JAZF1: variants seen among roughly 807,000 people sequenced by gnomAD.
JAZF1 encodes juxtaposed with another zinc finger protein 1.
Under a neutral mutation model 26.4 loss-of-function variants are expected in JAZF1, and 8 were observed. The ratio of observed to expected loss-of-function variants is 0.30; its 90% confidence interval spans 0.18 to 0.55. JAZF1 has a LOEUF of 0.55. Among genes scored for constraint, JAZF1 ranks in the 20% least tolerant of loss-of-function variants. The probability of loss-of-function intolerance (pLI) is 0.94; values close to 1 mark genes in which losing one functional copy is unlikely to be tolerated. For missense variants in JAZF1, 199 were observed against 322.0 expected (o/e 0.62, Z 2.92); for synonymous variants, 126 against 122.3 (o/e 1.03, Z -0.20).
intron 2 of JAZF1, among the ~76,000 whole-genome samples, chr7:27,912,822 G>A (rs1256569489): frequency 6.6e-6 from 1 of 152,072 alleles, no homozygotes; most frequent in Non-Finnish European, 1.5e-5. Context: ...TGCACAAACA[G>A]AAGGCCAGAG....
chr7:27,835,235 C>CT (rs1199776639), intron 4 of JAZF1, among the ~76,000 whole-genome samples: 3 of 152,130 alleles, frequency 2.0e-5, no homozygotes, highest in Non-Finnish European at 1.5e-5. Flanking sequence ...CACAGCAACT[C>CT]TTAACAGTAT....
chr7:28,031,924 G>C (rs756032991), intron 1 of JAZF1, among the ~76,000 whole-genome samples: 4 of 141,776 alleles, frequency 2.8e-5, no homozygotes, highest in Non-Finnish European at 6.3e-5. Context: ...CTCTGATAAA[G>C]ACTCTCTGGG....
chr7:28,150,572 TGGGAACACTGTCATGG>T (rs1289747792), intron 1 of JAZF1, among the ~76,000 whole-genome samples: 7 of 152,144 alleles, frequency 4.6e-5, no homozygotes, highest in African/African-American at 1.4e-4. Context: ...TGAGGACCGG[TGGGAACACTGTCATGG>T]GGCCAGCCCT....
chr7:27,964,538 T>A (rs1785240094), intron 2 of JAZF1, among the ~76,000 whole-genome samples: 1 of 151,936 alleles, frequency 6.6e-6, no homozygotes, highest in Non-Finnish European at 1.5e-5. Flanking sequence ...CCACTGAACC[T>A]AAAATATTGT....
At chr7:27,874,513 A>G (rs986636533) in intron 3 of JAZF1, among the ~76,000 whole-genome samples, 6 of 152,158 alleles carry the variant, frequency 3.9e-5, no homozygotes, top group Admixed American at 3.3e-4. Context: ...TCCAGAACCA[A>G]TCTGTCGATT....
At chr7:28,147,006 G>A (rs1191761371) in intron 1 of JAZF1, among the ~76,000 whole-genome samples, 4 of 151,692 alleles carry the variant, frequency 2.6e-5, no homozygotes, top group East Asian at 1.9e-4. Flanking sequence ...ACAGGCGCCC[G>A]CCACTACACT....
At chr7:27,909,942 A>G (rs990582422) in intron 2 of JAZF1, among the ~76,000 whole-genome samples, 23 of 152,224 alleles carry the variant, frequency 1.5e-4, no homozygotes, top group Non-Finnish European at 1.8e-4. Context: ...TTTTTCCAAC[A>G]TAGTTCCTGG....
At position 27,857,042 on chromosome 7, in the gene JAZF1, C is replaced by T. The variant is rs535807667; in HGVS notation, c.386-16175G>A. 3.5e-3 allele frequency among the ~76,000 whole-genome samples: 526 copies of T among 152,376 alleles called. 3 individuals are homozygous for T. The highest frequency in any genetic ancestry group is 0.012 in the African/African-American group (490 of 41,588). Reference sequence around the variant, plus strand: ...CAGGTGGAGCTGCCTGCCAGTCCCGCGCCGTGTGCCTGCACTCCTCAGCCC... The same window carrying T: ...CAGGTGGAGCTGCCTGCCAGTCCCGTGCCGTGTGCCTGCACTCCTCAGCCC... On this transcript the variant is annotated intron_variant, in intron 3 of 4. Transcript: ENST00000283928.
intron 2 of JAZF1, among the ~76,000 whole-genome samples, chr7:27,897,340 C>T (rs1472616323): frequency 1.3e-5 from 2 of 152,134 alleles, no homozygotes. Context: ...TGGAGTCAGG[C>T]CGGGGTTCAA....
intron 1 of JAZF1, among the ~76,000 whole-genome samples, chr7:28,112,325 T>A (rs1784674268): frequency 6.6e-6 from 1 of 152,248 alleles, no homozygotes; most frequent in Non-Finnish European, 1.5e-5. Flanking sequence ...GACTCATTAT[T>A]CAAACCAGAT....
intron 3 of JAZF1, among the ~76,000 whole-genome samples, chr7:27,881,502 T>G (rs1252091956): frequency 6.6e-6 from 1 of 152,198 alleles, no homozygotes; most frequent in Non-Finnish European, 1.5e-5. Context: ...ATCTAAGTGC[T>G]CTGCCAAAAC....
chr7:28,008,050 G>A (rs1206880360), intron 1 of JAZF1, among the ~76,000 whole-genome samples: 1 of 152,038 alleles, frequency 6.6e-6, no homozygotes, highest in Non-Finnish European at 1.5e-5. Flanking sequence ...TCTCCTTTGG[G>A]TGACTGATCT....
chr7:27,855,208 T>G (rs1783224467), intron 3 of JAZF1, among the ~76,000 whole-genome samples: 1 of 152,116 alleles, frequency 6.6e-6, no homozygotes, highest in African/African-American at 2.4e-5. Flanking sequence ...TCAGAATCTC[T>G]GGCACACAGC....
At chr7:27,984,210 C>A (rs1785648955) in intron 2 of JAZF1, among the ~76,000 whole-genome samples, 1 of 152,146 alleles carries the variant, frequency 6.6e-6, no homozygotes, top group South Asian at 2.1e-4. Flanking sequence ...AGACCCATCT[C>A]ATGTGCAGAG....
At chr7:27,861,145 G>A (rs1413479713) in intron 3 of JAZF1, among the ~76,000 whole-genome samples, 4 of 152,202 alleles carry the variant, frequency 2.6e-5, no homozygotes, top group East Asian at 1.9e-4. Flanking sequence ...CGATGCCCAC[G>A]AGTCCTGAGC....
intron 2 of JAZF1, among the ~76,000 whole-genome samples, chr7:27,905,173 A>C (rs998375269): frequency 6.6e-6 from 1 of 152,184 alleles, no homozygotes; most frequent in Non-Finnish European, 1.5e-5. Flanking sequence ...TCTGCTGCCC[A>C]GGCTTGTCTC....
chr7:28,042,757 C>T (rs1783415330), intron 1 of JAZF1, among the ~76,000 whole-genome samples: 2 of 152,126 alleles, frequency 1.3e-5, no homozygotes. Context: ...GTTATAATCA[C>T]CTACAGTATT....
At chr7:27,902,568 T>G (rs916696918) in intron 2 of JAZF1, among the ~76,000 whole-genome samples, 1 of 152,194 alleles carries the variant, frequency 6.6e-6, no homozygotes, top group Non-Finnish European at 1.5e-5. Context: ...CTACCTAGCC[T>G]TTCGGTGCTG....
chr7:28,146,710 T>C (rs1783033949), intron 1 of JAZF1, among the ~76,000 whole-genome samples: 1 of 152,206 alleles, frequency 6.6e-6, no homozygotes, highest in African/African-American at 2.4e-5. Context: ...TCTGATCTTC[T>C]TCCTATAATG....
Sources: gnomAD v4.1 joint callset for allele counts (sites outside exome capture counted in the v4.1 genomes callset) on GRCh38, gnomAD v4.1.1 for gene constraint, MANE v1.5 for transcripts, NCBI Gene and HGNC (gene_info 2026-07-23, HGNC 2026-07-21) for gene names.